ERC2: variants seen among roughly 807,000 people sequenced by gnomAD.
The protein encoded by ERC2 is ERC protein 2.
ERC2 carries 42 observed loss-of-function variants against 114.8 expected under a neutral mutation model. The ratio of observed to expected loss-of-function variants is 0.37; its 90% CI spans 0.29 to 0.47. The LOEUF (loss-of-function observed/expected upper bound fraction) is 0.47, where lower values mean the gene tolerates loss of function less well. Ranked by LOEUF, ERC2 falls within the 20% of genes least tolerant of loss-of-function variation. ERC2 has a pLI of 0.99. For synonymous variants in ERC2, 454 were observed against 425.5 expected (o/e 1.07, Z -0.82); for missense variants, 939 against 1,150.7 (o/e 0.82, Z 2.66).
At chr3:55,709,158 G>A (rs2063641311) in intron 15 of ERC2, among the ~76,000 whole-genome samples, 2 of 152,134 alleles carry the variant, frequency 1.3e-5, no homozygotes, top group South Asian at 4.1e-4. Flanking sequence ...AGAAACTGGA[G>A]CGTGAACATT....
At chr3:55,788,214 A>G (rs546827905) in intron 14 of ERC2, among the ~76,000 whole-genome samples, 7 of 152,286 alleles carry the variant, frequency 4.6e-5, no homozygotes, top group East Asian at 1.9e-4. Flanking sequence ...GCCAGTTCCA[A>G]TTGGGATGTA....
chr3:55,521,979 T>C (rs987781374), intron 17 of ERC2, among the ~76,000 whole-genome samples: 6 of 152,234 alleles, frequency 3.9e-5, no homozygotes, highest in African/African-American at 1.2e-4. Flanking sequence ...GATGGCCTGC[T>C]GAAGACAGAC....
chr3:55,725,611 A>G (rs1029039313), intron 15 of ERC2, among the ~76,000 whole-genome samples: 1 of 152,220 alleles, frequency 6.6e-6, no homozygotes, highest in African/African-American at 2.4e-5. Flanking sequence ...GGACAAAATC[A>G]ACACCTCCTA....
At chr3:56,300,372 A>G (rs996312007) in intron 2 of ERC2, among the ~76,000 whole-genome samples, 1 of 152,144 alleles carries the variant, frequency 6.6e-6, no homozygotes, top group African/African-American at 2.4e-5. Context: ...ACACTATGTC[A>G]TGAGGGTTAC....
At chr3:56,061,680 G>T (rs1391439021) in intron 7 of ERC2, among the ~76,000 whole-genome samples, 1 of 152,136 alleles carries the variant, frequency 6.6e-6, no homozygotes, top group Non-Finnish European at 1.5e-5. Context: ...CTAAACCAAA[G>T]ATTCTTCAAG....
intron 3 of ERC2, among the ~76,000 whole-genome samples, chr3:56,231,098 C>T (rs2050588832): frequency 6.6e-6 from 1 of 152,208 alleles, no homozygotes; most frequent in African/African-American, 2.4e-5. Flanking sequence ...GAAATTCAAA[C>T]TAGGACAGTC....
At chr3:55,968,091 A>T (rs1279537572) in intron 12 of ERC2, among the ~76,000 whole-genome samples, 1 of 152,154 alleles carries the variant, frequency 6.6e-6, no homozygotes, top group African/African-American at 2.4e-5. Context: ...AGTGAACTCA[A>T]ATCTGCTTTC....
intron 1 of ERC2, among the ~76,000 whole-genome samples, chr3:56,452,903 A>G (rs542776173): frequency 1.1e-4 from 17 of 152,316 alleles, no homozygotes; most frequent in Admixed American, 2.6e-4. Context: ...TACAATCCTC[A>G]TCATCATCAA....
intron 14 of ERC2, among the ~76,000 whole-genome samples, chr3:55,751,734 G>A (rs1352659931): frequency 2.0e-5 from 3 of 152,184 alleles, no homozygotes; most frequent in Admixed American, 6.5e-5. Flanking sequence ...AGAGCTGTCA[G>A]CAATGGCCTG....
At chr3:55,652,030 C>T (rs774963697) in intron 17 of ERC2, among the ~76,000 whole-genome samples, 6 of 152,204 alleles carry the variant, frequency 3.9e-5, no homozygotes, top group Non-Finnish European at 7.3e-5. Context: ...AAGACTGTGC[C>T]ACCACAGCAA....
Position 55,930,408 on chromosome 3 carries a change from A to G in ERC2, c.2403+20017T>C, listed in dbSNP as rs543740023. On this transcript the variant is annotated intron_variant, in intron 13 of 17. Transcript: ENST00000288221. ...ATGGTACTGGTACCAAAACAGAGAT[A>G]TAGATCAATGGAACAGAACAGAGGC... 3.3e-5 allele frequency among the ~76,000 whole-genome samples: 5 copies of G among 152,334 alleles called. No homozygotes were observed. The South Asian group carries it at 1.0e-3, about 32-fold the overall frequency.
At chr3:56,249,490 T>C (rs1408906501) in intron 3 of ERC2, among the ~76,000 whole-genome samples, 2 of 152,028 alleles carry the variant, frequency 1.3e-5, no homozygotes. Flanking sequence ...CACGCCCAGC[T>C]AATTTTTTTG....
chr3:56,239,812 T>C (rs538325149), intron 3 of ERC2, among the ~76,000 whole-genome samples: 2 of 152,216 alleles, frequency 1.3e-5, no homozygotes, highest in Non-Finnish European at 2.9e-5. Context: ...TTCCCATATA[T>C]CACAGAACTG....
Position 56,434,764 on chromosome 3 carries a change from G to A in ERC2, c.244C>T (p.Leu82=), listed in dbSNP as rs766253913. ...STTYPKGTMT[L]GRATNRAVYG... is the part of the protein sequence containing the mutation. ...ACAGCTCGATTTGTAGCCCTTCCCA[G>A]AGTCATAGTGCCCTTTGGGTAGGTT... Residue 82 remains leucine, a synonymous_variant, in exon 2 of 18, where the codon CTG becomes TTG. Transcript: ENST00000288221. The A allele has an allele frequency of 3.7e-6, 6 of 1,613,974 alleles. No individual in the cohort carries two copies. In the East Asian group the frequency reaches 1.3e-4, roughly 36 times the overall value.
At chr3:55,906,911 T>C (rs2064489850) in intron 13 of ERC2, among the ~76,000 whole-genome samples, 1 of 152,334 alleles carries the variant, frequency 6.6e-6, no homozygotes, top group African/African-American at 2.4e-5. Flanking sequence ...AGGCTGAGTA[T>C]GATGATGCCG....
intron 4 of ERC2, among the ~76,000 whole-genome samples, chr3:56,162,111 C>T (rs1338966488): frequency 6.6e-6 from 1 of 152,108 alleles, no homozygotes; most frequent in African/African-American, 2.4e-5. Context: ...TGGATTTTAT[C>T]AAAAGCTTTT....
chr3:55,547,614 A>G (rs1304565400), intron 17 of ERC2, among the ~76,000 whole-genome samples: 1 of 152,220 alleles, frequency 6.6e-6, no homozygotes, highest in Non-Finnish European at 1.5e-5. Flanking sequence ...CCCCAGCCGT[A>G]GGAGAGCTTT....
At chr3:56,327,701 C>T (rs2057427634) in intron 2 of ERC2, among the ~76,000 whole-genome samples, 1 of 152,088 alleles carries the variant, frequency 6.6e-6, no homozygotes, top group Non-Finnish European at 1.5e-5. Flanking sequence ...CAATATCACA[C>T]CATAAGCACC....
At chr3:55,622,265 C>T (rs2059360186) in intron 17 of ERC2, among the ~76,000 whole-genome samples, 2 of 152,140 alleles carry the variant, frequency 1.3e-5, no homozygotes, top group Non-Finnish European at 2.9e-5. Flanking sequence ...AGTGCTGACT[C>T]CATACAAAGT....
Sources: gnomAD v4.1 joint callset for allele counts (sites outside exome capture counted in the v4.1 genomes callset) on GRCh38, gnomAD v4.1.1 for gene constraint, MANE v1.5 for transcripts, NCBI Gene and HGNC (gene_info 2026-07-23, HGNC 2026-07-21) for gene names.